TULP4: variants seen among roughly 807,000 people sequenced by gnomAD.
TULP4 encodes the protein TUB like protein 4.
TULP4 carries 16 observed loss-of-function variants against 129.0 expected under a neutral mutation model. The ratio of observed to expected loss-of-function variants is 0.12; its 90% CI spans 0.08 to 0.19. The LOEUF is 0.19. Among genes scored for constraint, TULP4 ranks in the 10% least tolerant of loss-of-function variants. The pLI is 1.00. For synonymous variants in TULP4, 998 were observed against 854.0 expected (o/e 1.17, Z -2.94); for missense variants, 1,842 against 2,059.1 (o/e 0.89, Z 2.04).
At chr6:158,432,146 A>G (rs1377199487) in intron 3 of TULP4, among the ~76,000 whole-genome samples, 1 of 151,864 alleles carries the variant, frequency 6.6e-6, no homozygotes, top group African/African-American at 2.4e-5. Flanking sequence ...AGGTCACTGA[A>G]GCAATAAGGA....
At chr6:158,250,462 T>C (rs1363518290) in intron 1 of TULP4, among the ~76,000 whole-genome samples, 1 of 152,190 alleles carries the variant, frequency 6.6e-6, no homozygotes, top group African/African-American at 2.4e-5. Flanking sequence ...GGCGCCAAAA[T>C]GCTTTTCTTT....
chr6:158,428,184 C>T (rs1018006126), intron 2 of TULP4: 3 of 152,174 alleles, frequency 2.0e-5, no homozygotes, highest in African/African-American at 7.2e-5. Context: ...TAATAATCTT[C>T]CCATTACAAA....
In TULP4 at chr6:158,510,895, G is replaced by C. The variant is rs1395834403; in HGVS notation, c.*4201G>C. 6.6e-6 allele frequency: 1 copy of C among 152,242 alleles called. No individual in the cohort carries two copies. Among genetic ancestry groups the C allele is most frequent in the African/African-American group, 2.4e-5 (1 of 41,460 alleles). The allele number at this position is 152,242 out of a possible 1,614,324, so 9.4% of individuals were successfully genotyped here. ...AGGAAAGTTTGGCCCAGCAACTGGA[G>C]AAGGAGTCCATGGTGTCGCTGTGTG... On this transcript the variant is annotated 3_prime_UTR_variant, in exon 14 of 14. Coordinates refer to ENST00000367097, the MANE Select transcript of TULP4 (RefSeq NM_020245.5).
intron 7 of TULP4, among the ~76,000 whole-genome samples, chr6:158,480,367 T>C (rs996080431): frequency 5.9e-5 from 9 of 152,372 alleles, no homozygotes; most frequent in Middle Eastern, 6.8e-3. Context: ...AGGAAACAAG[T>C]TAGGAGAAGT....
At chr6:158,251,505 C>T (rs1053274211) in intron 1 of TULP4, among the ~76,000 whole-genome samples, 3 of 152,168 alleles carry the variant, frequency 2.0e-5, no homozygotes, top group Non-Finnish European at 4.4e-5. Context: ...TACACTGTCT[C>T]TTCTAATTCT....
At chr6:158,282,240 G>C (rs1199997282), upstream of TULP4, 1 of 151,936 alleles carries the variant, frequency 6.6e-6, no homozygotes, top group East Asian at 1.9e-4. Context: ...GCTAACCCTA[G>C]TTAATTTTTC....
At chr6:158,336,827 C>T (rs999537440) in intron 1 of TULP4, among the ~76,000 whole-genome samples, 1 of 151,804 alleles carries the variant, frequency 6.6e-6, no homozygotes, top group Non-Finnish European at 1.5e-5. Context: ...TGAATTAGTC[C>T]CTATGACCAA....
intron 1 of TULP4, among the ~76,000 whole-genome samples, chr6:158,360,599 ACAGT>A (rs758581429): frequency 5.3e-5 from 8 of 152,208 alleles, no homozygotes; most frequent in Non-Finnish European, 8.8e-5. Context: ...CAAAAACCAG[ACAGT>A]CAGGTAAAAG....
intron 1 of TULP4, among the ~76,000 whole-genome samples, chr6:158,354,112 G>A (rs1014123542): frequency 2.0e-5 from 3 of 152,180 alleles, no homozygotes; most frequent in African/African-American, 4.8e-5. Context: ...CCTTTGGAAG[G>A]AATCTTCAGA....
At chr6:158,469,846 G>C (rs1293185967) in intron 6 of TULP4, among the ~76,000 whole-genome samples, 1 of 151,816 alleles carries the variant, frequency 6.6e-6, no homozygotes, top group East Asian at 1.9e-4. Flanking sequence ...GATGGAAGAG[G>C]AATGTCATAG....
chr6:158,339,295 C>A (rs1329774371), intron 1 of TULP4, among the ~76,000 whole-genome samples: 1 of 152,138 alleles, frequency 6.6e-6, no homozygotes, highest in African/African-American at 2.4e-5. Flanking sequence ...TCACAGAGAT[C>A]ACATGCTTCA....
intron 1 of TULP4, among the ~76,000 whole-genome samples, chr6:158,240,759 C>T (rs1411191488): frequency 2.9e-5 from 4 of 139,588 alleles, no homozygotes; most frequent in African/African-American, 7.5e-5. Flanking sequence ...GACCCCCCCA[C>T]CTCCCTCCCG....
At chr6:158,253,777 T>C (rs1160052779) in intron 1 of TULP4, among the ~76,000 whole-genome samples, 1 of 152,150 alleles carries the variant, frequency 6.6e-6, no homozygotes, top group Non-Finnish European at 1.5e-5. Context: ...GCTCATGCCT[T>C]TAATCCCAGC....
At chr6:158,233,034 A>T (rs1748242617) in intron 1 of TULP4, among the ~76,000 whole-genome samples, 1 of 152,028 alleles carries the variant, frequency 6.6e-6, no homozygotes, top group African/African-American at 2.4e-5. Flanking sequence ...CCGAAGTTTG[A>T]CCCGCTTGGG....
intron 2 of TULP4, among the ~76,000 whole-genome samples, chr6:158,423,149 C>T (rs998020526): frequency 5.3e-5 from 8 of 151,226 alleles, no homozygotes; most frequent in Non-Finnish European, 8.8e-5. Flanking sequence ...GAAACCTTCC[C>T]AGGACCCCTT....
intron 1 of TULP4, among the ~76,000 whole-genome samples, chr6:158,345,532 C>T (rs1226847213): frequency 3.9e-5 from 6 of 152,140 alleles, no homozygotes; most frequent in South Asian, 4.1e-4. Flanking sequence ...TCGGTAGGAC[C>T]GTGATGCCCA....
At chr6:158,456,899 C>G (rs1779304666) in intron 5 of TULP4, among the ~76,000 whole-genome samples, 1 of 151,908 alleles carries the variant, frequency 6.6e-6, no homozygotes, top group Non-Finnish European at 1.5e-5. Flanking sequence ...CTCTGTGCCC[C>G]GACAGTGCTA....
chr6:158,368,702 A>T (rs961983618), intron 1 of TULP4, among the ~76,000 whole-genome samples: 2 of 152,214 alleles, frequency 1.3e-5, no homozygotes, highest in Non-Finnish European at 2.9e-5. Context: ...CCCAGTTATG[A>T]AAGCAATTTC....
At chr6:158,472,635 C>T (rs769980561) in intron 6 of TULP4, among the ~76,000 whole-genome samples, 4 of 152,132 alleles carry the variant, frequency 2.6e-5, no homozygotes, top group East Asian at 1.9e-4. Flanking sequence ...GGAAGTTAGG[C>T]GATTTATTGG....
Sources: gnomAD v4.1 joint callset for allele counts (sites outside exome capture counted in the v4.1 genomes callset) on GRCh38, gnomAD v4.1.1 for gene constraint, MANE v1.5 for transcripts, NCBI Gene and HGNC (gene_info 2026-07-23, HGNC 2026-07-21) for gene names.